Variants in DDX43 observed in about 807,000 individuals in gnomAD.
The protein encoded by DDX43 is DEAD-box helicase 43.
DDX43 carries 50 observed loss-of-function variants against 84.9 expected under a neutral mutation model. The ratio of observed to expected loss-of-function variants is 0.59; its 90% CI spans 0.47 to 0.75. The LOEUF (loss-of-function observed/expected upper bound fraction) is 0.75. Among genes scored for constraint, DDX43 ranks in the 30% least tolerant of loss-of-function variants. The probability of loss-of-function intolerance (pLI) is 0.00; values close to 1 mark genes in which losing one functional copy is unlikely to be tolerated. For missense variants in DDX43, 689 were observed against 798.6 expected (o/e 0.86, Z 1.65); for synonymous variants, 291 against 266.3 (o/e 1.09, Z -0.90).
At chr6:73,410,942 T>C (rs1292160740) in intron 10 of DDX43, among the ~76,000 whole-genome samples, 1 of 151,762 alleles carries the variant, frequency 6.6e-6, no homozygotes, top group Admixed American at 6.6e-5. Flanking sequence ...ATCCCAGCAC[T>C]TTGGGAGGCC....
chr6:73,412,638 A>ATAGTGTGTGT (rs376258603), intron 11 of DDX43, among the ~76,000 whole-genome samples: 10 of 59,724 alleles, frequency 1.7e-4, no homozygotes, highest in South Asian at 6.1e-4. Context: ...ATATATATAT[A>ATAGTGTGTGT]GTGTGTGTGT....
intron 15 of DDX43, 80 bp downstream of exon 15, chr6:73,415,664 T>C: frequency 9.9e-7 from 1 of 1,011,990 alleles, no homozygotes; most frequent in Non-Finnish European, 1.5e-6. Context: ...GCTTGCTATT[T>C]ATCAGGAAGC....
intron 1 of DDX43, 70 bp from the exon 2 acceptor site, chr6:73,397,619 G>C: frequency 8.0e-7 from 1 of 1,257,132 alleles, no homozygotes; most frequent in Non-Finnish European, 1.2e-6. Flanking sequence ...TGTTTGTTGA[G>C]GAAAATGGGT....
At chr6:73,396,611 A>G (rs937910644) in intron 1 of DDX43, among the ~76,000 whole-genome samples, 29 of 152,336 alleles carry the variant, frequency 1.9e-4, no homozygotes, top group African/African-American at 7.0e-4. Context: ...TTTTTATTGT[A>G]AAAAATGAAA....
intron 10 of DDX43, among the ~76,000 whole-genome samples, chr6:73,411,907 A>G (rs1769791455): frequency 6.6e-6 from 1 of 152,016 alleles, no homozygotes; most frequent in African/African-American, 2.4e-5. Flanking sequence ...CATGTTGGCC[A>G]GGCTAGTCTT....
chr6:73,400,110 A>G, intron 2 of DDX43, 124 bp from the exon 3 acceptor site: 1 of 724,334 alleles, frequency 1.4e-6, no homozygotes, highest in Non-Finnish European at 2.2e-6. Flanking sequence ...GTAATACTGT[A>G]TTTACTTTAT....
rs1451637953 is a variant in DDX43 at position 73,413,644 on chromosome 6, T to C, written c.1369-14T>C. The C allele has an allele frequency of 1.2e-6, 2 of 1,611,130 alleles. No individual in the cohort carries two copies. Among genetic ancestry groups the C allele is most frequent in the Admixed American group, 3.4e-5 (2 of 59,340 alleles). On this transcript the variant is annotated splice_polypyrimidine_tract_variant and intron_variant, in intron 11 of 16. Transcript: ENST00000370336. Reference sequence around the variant, plus strand: ...ATGATGACCTTGATGAACTATGTTCTTTGAATCCTTTAGGCTGTAAGTTCA... The same window carrying C: ...ATGATGACCTTGATGAACTATGTTCCTTGAATCCTTTAGGCTGTAAGTTCA...
chr6:73,408,807 C>T (rs1029129333), intron 9 of DDX43, among the ~76,000 whole-genome samples: 3 of 152,128 alleles, frequency 2.0e-5, no homozygotes, highest in Non-Finnish European at 4.4e-5. Context: ...CCGCCTGCCT[C>T]GGCCTCCCAA....
Position 73,406,498 on chromosome 6 carries a change from G to A in DDX43, c.926+16G>A. Reference sequence around the variant, plus strand: ...TTCAACCCAGGTAAGAATTCCTATGGCTGGTTTCTTCTTATAGAGGTTTAA... The same window carrying A: ...TTCAACCCAGGTAAGAATTCCTATGACTGGTTTCTTCTTATAGAGGTTTAA... On this transcript the variant is annotated intron_variant, in intron 7 of 16. Transcript: ENST00000370336. The A allele has an allele frequency of 6.6e-7, 1 of 1,508,860 alleles. No individual in the cohort carries two copies. The highest frequency in any genetic ancestry group is 9.2e-7 in the Non-Finnish European group (1 of 1,086,852). The allele number at this position is 1,508,860 out of a possible 1,614,324, so 93.5% of individuals were successfully genotyped here. A position where few individuals can be genotyped will look rare whatever the true frequency, so the allele number is the denominator to read the frequency against.
Position 73,415,596 on chromosome 6 carries a change from C to T in DDX43, c.1833+12C>T, listed in dbSNP as rs1289007684. On this transcript the variant is annotated intron_variant, in intron 15 of 16. Coordinates refer to ENST00000370336, the MANE Select transcript of DDX43 (RefSeq NM_018665.3). ...AAAGAGCAAATCAGGTGAGACTATG[C>T]AATTCATTAGAAATCTACCTGTTAT... The T allele has an allele frequency of 6.4e-6, 10 of 1,573,422 alleles. No individual in the cohort carries two copies. The highest frequency in any genetic ancestry group is 1.7e-5 in the Admixed American group (1 of 58,714).
At chr6:73,415,840 A>G (rs1769889201) in intron 15 of DDX43, among the ~76,000 whole-genome samples, 1 of 152,156 alleles carries the variant, frequency 6.6e-6, no homozygotes, top group African/African-American at 2.4e-5. Flanking sequence ...AGATGGGGTA[A>G]ATGTTCCAGC....
intron 14 of DDX43, among the ~76,000 whole-genome samples, chr6:73,414,889 A>G (rs571382413): frequency 2.0e-5 from 3 of 152,102 alleles, no homozygotes; most frequent in Admixed American, 6.6e-5. Flanking sequence ...AGCTTCTTAT[A>G]TCTGGTTCTA....
At chr6:73,395,214 G>T in intron 1 of DDX43, 59 bp downstream of exon 1, 3 of 1,519,996 alleles carry the variant, frequency 2.0e-6, no homozygotes, top group Non-Finnish European at 2.6e-6. Context: ...GAGCCTGGGC[G>T]AAGGCATTTC....
At chr6:73,408,965 G>A (rs1769734002) in intron 9 of DDX43, among the ~76,000 whole-genome samples, 1 of 151,932 alleles carries the variant, frequency 6.6e-6, no homozygotes, top group South Asian at 2.1e-4. Context: ...TTTAAATTTT[G>A]GAAAATAGGT....
chr6:73,395,449 A>G (rs948822666), intron 1 of DDX43, among the ~76,000 whole-genome samples: 1 of 151,924 alleles, frequency 6.6e-6, no homozygotes, highest in Non-Finnish European at 1.5e-5. Flanking sequence ...TACTAAAAAT[A>G]TATATATTAA....
chr6:73,409,483 GGAAGTA>G, intron 10 of DDX43, 135 bp downstream of exon 10: 1 of 725,794 alleles, frequency 1.4e-6, no homozygotes, highest in South Asian at 1.7e-5. Flanking sequence ...TCATAACATT[GGAAGTA>G]GAACAGTGTA....
At chr6:73,400,461 T>C in intron 3 of DDX43, 98 bp downstream of exon 3, 1 of 1,142,028 alleles carries the variant, frequency 8.8e-7, no homozygotes, top group Non-Finnish European at 1.2e-6. Flanking sequence ...TTCAAAGCAT[T>C]AGGCTGCCAT....
At chr6:73,402,020 A>AT in intron 4 of DDX43, 30 bp downstream of exon 4, 1 of 1,610,460 alleles carries the variant, frequency 6.2e-7, no homozygotes, top group Non-Finnish European at 8.5e-7. Flanking sequence ...ATTTACATAT[A>AT]TTGTTTCTGT....
intron 1 of DDX43, among the ~76,000 whole-genome samples, chr6:73,397,333 G>A (rs537936702): frequency 6.6e-6 from 1 of 152,278 alleles, no homozygotes; most frequent in African/African-American, 2.4e-5. Flanking sequence ...TTGGCCATTT[G>A]TATGTCATTG....
Sources: gnomAD v4.1 joint callset for allele counts (sites outside exome capture counted in the v4.1 genomes callset) on GRCh38, gnomAD v4.1.1 for gene constraint, MANE v1.5 for transcripts, NCBI Gene and HGNC (gene_info 2026-07-23, HGNC 2026-07-21) for gene names.